The following DNAJC27 variants were observed in gnomAD, a reference collection of about 807,000 sequenced individuals.
The protein encoded by DNAJC27 is dnaJ homolog subfamily C member 27.
In DNAJC27, 25 loss-of-function variants were observed where a neutral mutation model predicts 31.4. That is an observed-to-expected ratio of 0.80 (90% CI 0.58 to 1.11). The LOEUF is 1.11. Ranked by LOEUF, DNAJC27 falls within the 50% of genes most tolerant of loss-of-function variation. DNAJC27 has a pLI of 0.00. For missense variants in DNAJC27, 356 were observed against 347.3 expected (o/e 1.02, Z -0.20); for synonymous variants, 106 against 112.7 (o/e 0.94, Z 0.37).
chr2:24,947,387 A>G lies in DNAJC27; in HGVS notation c.*229T>C, dbSNP rs1366777218. The G allele has an allele frequency of 2.4e-6, 1 of 423,568 alleles. No individual in the cohort carries two copies. The highest frequency in any genetic ancestry group is 2.0e-5 in the African/African-American group (1 of 51,032). 26.2% of individuals were successfully genotyped at this position (423,568 alleles called of 1,614,324 possible). Reference sequence around the variant, plus strand: ...GAAAAAAATTCAGAATTATCTAGAAATATGAAATGAAGTACAGGGTGTGAC... The same window carrying G: ...GAAAAAAATTCAGAATTATCTAGAAGTATGAAATGAAGTACAGGGTGTGAC... On this transcript the variant is annotated 3_prime_UTR_variant, in exon 7 of 7. Transcript: ENST00000264711.
intron 1 of DNAJC27, among the ~76,000 whole-genome samples, chr2:24,970,595 G>C (rs1393316616): frequency 2.7e-5 from 4 of 150,938 alleles, no homozygotes; most frequent in Non-Finnish European, 4.4e-5. Flanking sequence ...CTCCCAAGTA[G>C]CTGGGATTAA....
chr2:24,960,189 C>T (rs987504417), intron 3 of DNAJC27, among the ~76,000 whole-genome samples: 1 of 152,144 alleles, frequency 6.6e-6, no homozygotes, highest in Admixed American at 6.5e-5. Context: ...AACTTTTCAT[C>T]ATTATTATGT....
At position 24,956,611 on chromosome 2, in the gene DNAJC27, T is replaced by A. The variant is rs1665910611; in HGVS notation, c.528+432A>T. On this transcript the variant is annotated intron_variant, in intron 5 of 6. Transcript: ENST00000264711. ...TATCTGATTATGCATATAAATGTAA[T>A]ACCATTAGCCAAAGGTAGCTTTGAA... Among the ~76,000 whole-genome samples the A allele has an allele frequency of 3.9e-5, 6 of 152,350 alleles. No individual in the cohort carries two copies. The South Asian group carries it at 1.2e-3, about 32-fold the overall frequency.
chr2:24,954,762 C>A (rs1211922186), intron 5 of DNAJC27, among the ~76,000 whole-genome samples: 1 of 152,104 alleles, frequency 6.6e-6, no homozygotes, highest in Non-Finnish European at 1.5e-5. Context: ...TCGGTGAAAC[C>A]CTGTCTCTAC....
At chr2:24,950,415 T>C (rs1191836977) in intron 6 of DNAJC27, among the ~76,000 whole-genome samples, 1 of 152,202 alleles carries the variant, frequency 6.6e-6, no homozygotes, top group African/African-American at 2.4e-5. Flanking sequence ...CTACAATATG[T>C]GTAGTAACGG....
chr2:24,967,518 T>C (rs1053650165), intron 1 of DNAJC27, among the ~76,000 whole-genome samples: 7 of 152,186 alleles, frequency 4.6e-5, no homozygotes, highest in Admixed American at 1.3e-4. Flanking sequence ...CTGGCCAACA[T>C]GGCGAAACCC....
At chr2:24,964,216 C>T (rs1183854042) in intron 2 of DNAJC27, among the ~76,000 whole-genome samples, 2 of 151,648 alleles carry the variant, frequency 1.3e-5, no homozygotes, top group African/African-American at 2.4e-5. Context: ...GTCAGGAGAT[C>T]GAGACCATCC....
intron 1 of DNAJC27, among the ~76,000 whole-genome samples, chr2:24,970,183 CAAT>C (rs1666292461): frequency 6.6e-6 from 1 of 152,118 alleles, no homozygotes; most frequent in Admixed American, 6.5e-5. Flanking sequence ...AATTTGGACA[CAAT>C]AAAGTTATTA....
intron 6 of DNAJC27, among the ~76,000 whole-genome samples, chr2:24,948,645 G>A (rs1353303444): frequency 6.6e-6 from 1 of 152,200 alleles, no homozygotes; most frequent in Non-Finnish European, 1.5e-5. Flanking sequence ...TAAACCAGCA[G>A]CGCTCCAGGA....
At chr2:24,971,784 C>G in intron 1 of DNAJC27, 34 bp downstream of exon 1, 1 of 1,571,062 alleles carries the variant, frequency 6.4e-7, no homozygotes, top group Non-Finnish European at 8.6e-7. Flanking sequence ...CCCCGCCACG[C>G]TGGGGCCCGC....
intron 3 of DNAJC27, chr2:24,958,745 G>T (rs1665970891): frequency 5.9e-6 from 1 of 170,118 alleles, no homozygotes; most frequent in Non-Finnish European, 1.3e-5. Context: ...TCATTCTCTG[G>T]GCTTCATTCC....
chr2:24,966,936 T>G (rs1046713614), intron 2 of DNAJC27, among the ~76,000 whole-genome samples: 2 of 152,246 alleles, frequency 1.3e-5, no homozygotes, highest in Non-Finnish European at 2.9e-5. Context: ...AAGTTACACC[T>G]GCCATTTAGG....
At position 24,945,217 on chromosome 2, in the gene DNAJC27, C is replaced by T. The variant is rs571691391; in HGVS notation, c.*2399G>A. 4 of 152,304 alleles carry T rather than the reference C, an allele frequency of 2.6e-5. No homozygotes were observed. Among genetic ancestry groups the T allele is most frequent in the Admixed American group, 2.6e-4 (4 of 15,300 alleles). 9.4% of individuals were successfully genotyped at this position (152,304 alleles called of 1,614,324 possible). A position where few individuals can be genotyped will look rare whatever the true frequency, so the allele number is the denominator to read the frequency against. On this transcript the variant is annotated 3_prime_UTR_variant, in exon 7 of 7. Transcript: ENST00000264711. The stretch of plus-strand genomic sequence containing the variant: ...TAGAAATCAGAAAAATTCTAGGACC[C>T]TGAAGCTTAACTTGCTTATTTTATT...
rs111316094 is a variant in DNAJC27, at chr2:24,967,197, A to G, written c.170+14T>C. ...TCTATGTAACTTACAAACCCAGGGA[A>G]ACAATATACTTACTTTGTGACTCCA... is the stretch of plus-strand genomic sequence containing the variant. On this transcript the variant is annotated intron_variant, in intron 2 of 6. Coordinates refer to ENST00000264711, the MANE Select transcript of DNAJC27 (RefSeq NM_016544.3). 1 of 1,604,986 alleles carries G rather than the reference A, an allele frequency of 6.2e-7. No individual in the cohort carries two copies. Among genetic ancestry groups the G allele is most frequent in the Non-Finnish European group, 8.5e-7 (1 of 1,172,300 alleles).
chr2:24,957,624 A>C (rs1307403960), intron 4 of DNAJC27, among the ~76,000 whole-genome samples, 186 bp downstream of exon 4: 1 of 152,138 alleles, frequency 6.6e-6, no homozygotes, highest in Admixed American at 6.5e-5. Context: ...AAATGTATAC[A>C]AATTTTGATA....
intron 3 of DNAJC27, 84 bp from the exon 4 acceptor site, chr2:24,958,058 G>C (rs534801055): frequency 8.1e-7 from 1 of 1,230,564 alleles, no homozygotes; most frequent in East Asian, 2.5e-5. Context: ...CTGGCAAAGT[G>C]TGTTCTTTTG....
chr2:24,963,314 A>C, intron 3 of DNAJC27, 91 bp downstream of exon 3: 1 of 985,024 alleles, frequency 1.0e-6, no homozygotes, highest in Non-Finnish European at 1.5e-6. Context: ...TTTACACATG[A>C]TATCAATATT....
chr2:24,943,993 T>C lies in DNAJC27; in HGVS notation c.*3623A>G, dbSNP rs1262951455. ...AAGCTTTTGTCTTCTCTAGAAAAGT[T>C]TAATGGAAAAAAACGATGTACAAAC... is the stretch of plus-strand genomic sequence containing the variant. On this transcript the variant is annotated 3_prime_UTR_variant, in exon 7 of 7. Transcript: ENST00000264711. 1 of 152,194 alleles carries C rather than the reference T, an allele frequency of 6.6e-6. No individual in the cohort carries two copies. The highest frequency in any genetic ancestry group is 1.5e-5 in the Non-Finnish European group (1 of 68,024). The allele number at this position is 152,194 out of a possible 1,614,324, so 9.4% of individuals were successfully genotyped here.
At position 24,963,372 on chromosome 2, in the gene DNAJC27, T is replaced by C. The variant is rs752118391; in HGVS notation, c.240+33A>G. Reference sequence around the variant, plus strand: ...TCTCTCCCCAAACCACCAACAATACTGGATATAGGTTTTGTCAAAAAGGCT... The same window carrying C: ...TCTCTCCCCAAACCACCAACAATACCGGATATAGGTTTTGTCAAAAAGGCT... On this transcript the variant is annotated intron_variant, in intron 3 of 6. Transcript: ENST00000264711. 4 of 1,553,688 alleles carry C rather than the reference T, an allele frequency of 2.6e-6. No homozygotes were observed. In the Admixed American group the frequency reaches 5.1e-5, roughly 20 times the overall value.
Sources: allele counts gnomAD v4.1 joint callset (sites outside exome capture counted in the v4.1 genomes callset), GRCh38; gene constraint gnomAD v4.1.1; transcripts MANE v1.5; gene names NCBI Gene and HGNC (gene_info 2026-07-23, HGNC 2026-07-21).